The following NLK variants were observed in gnomAD, a reference collection of about 807,000 sequenced individuals.
NLK encodes the protein nemo like kinase, also known as serine/threonine-protein kinase NLK.
Under a neutral mutation model 59.0 loss-of-function variants are expected in NLK, and 11 were observed. That is an observed-to-expected ratio of 0.19 (90% CI 0.12 to 0.31). NLK has a LOEUF of 0.31. Ranked by LOEUF, NLK falls within the 10% of genes least tolerant of loss-of-function variation. The pLI, the probability that NLK is intolerant of heterozygous loss-of-function variation, is 1.00. For synonymous variants in NLK, 235 were observed against 235.9 expected (o/e 1.00, Z 0.03); for missense variants, 410 against 661.1 (o/e 0.62, Z 4.16).
At chr17:28,150,054 G>A (rs1907418559) in intron 3 of NLK, among the ~76,000 whole-genome samples, 1 of 152,122 alleles carries the variant, frequency 6.6e-6, no homozygotes, top group Admixed American at 6.6e-5. Flanking sequence ...TTCATGGAAA[G>A]GGTCAGACTT....
chr17:28,121,404 A>T lies in NLK; in HGVS notation c.459-1199A>T, dbSNP rs1395352350. Among the ~76,000 whole-genome samples, 10 of 145,332 alleles carry T rather than the reference A, an allele frequency of 6.9e-5. No homozygotes were observed. In the East Asian group the frequency reaches 2.0e-3, roughly 29 times the overall value. On this transcript the variant is annotated intron_variant, in intron 1 of 10. Coordinates refer to ENST00000407008, the MANE Select transcript of NLK (RefSeq NM_016231.5). ...GGTAGAAGGGGGGAAAAAAAAAAAA[A>T]GCTCTAGGTTAATTCATGGAAAGTC...
chr17:28,179,419 T>C (rs891006067), intron 7 of NLK, among the ~76,000 whole-genome samples: 5 of 151,860 alleles, frequency 3.3e-5, no homozygotes, highest in African/African-American at 1.2e-4. Flanking sequence ...TTATTTTTAT[T>C]TTATTTTATT....
intron 8 of NLK, among the ~76,000 whole-genome samples, chr17:28,187,293 G>T (rs772052135): frequency 1.4e-4 from 21 of 151,666 alleles, no homozygotes; most frequent in Admixed American, 5.2e-4. Context: ...TGTTTTGTTT[G>T]GTTTGGTTTG....
intron 1 of NLK, among the ~76,000 whole-genome samples, chr17:28,069,099 C>T (rs999120832): frequency 1.3e-5 from 2 of 152,222 alleles, no homozygotes; most frequent in African/African-American, 4.8e-5. Flanking sequence ...CCCTAGGCAG[C>T]CACTTTTTTG....
chr17:28,183,056 G>A (rs1003325606), intron 7 of NLK, among the ~76,000 whole-genome samples: 3 of 152,186 alleles, frequency 2.0e-5, no homozygotes, highest in African/African-American at 4.8e-5. Flanking sequence ...AACAGAGGAT[G>A]TAAAAAGGAT....
the NLK span, among the ~76,000 whole-genome samples, chr17:28,202,064 ATG>A: frequency 6.6e-6 from 1 of 152,222 alleles, no homozygotes; most frequent in African/African-American, 2.4e-5. Context: ...GAGAAAAACT[ATG>A]TGACAAAAAT....
chr17:28,129,320 G>A (rs1906419495), intron 2 of NLK, among the ~76,000 whole-genome samples: 1 of 152,136 alleles, frequency 6.6e-6, no homozygotes, highest in Non-Finnish European at 1.5e-5. Context: ...GGGCATGGTG[G>A]CGCATGCCCG....
rs1037712012 is a variant in NLK, at chr17:28,137,773, A to G, written c.644+5098A>G. The stretch of plus-strand genomic sequence containing the variant: ...CCTTGAAGCAACAAAAAAAAAGTCA[A>G]TATCTAGACTGTAAGTTTTTATAAA... On this transcript the variant is annotated intron_variant, in intron 3 of 10. Transcript: ENST00000407008. Among the ~76,000 whole-genome samples, 9 of 152,234 alleles carry G rather than the reference A, an allele frequency of 5.9e-5. No homozygotes were observed. In the East Asian group the frequency reaches 9.6e-4, roughly 16 times the overall value.
intron 1 of NLK, among the ~76,000 whole-genome samples, chr17:28,069,613 G>C (rs920299880): frequency 6.6e-6 from 1 of 152,048 alleles, no homozygotes; most frequent in Non-Finnish European, 1.5e-5. Flanking sequence ...GTTTTAATTT[G>C]CATTACCATG....
chr17:28,071,740 G>A (rs989960697), intron 1 of NLK, among the ~76,000 whole-genome samples: 4 of 152,152 alleles, frequency 2.6e-5, no homozygotes, highest in African/African-American at 9.7e-5. Flanking sequence ...CTACGTGAAG[G>A]CTTCATCAGA....
chr17:28,159,639 T>C (rs1907923472), intron 3 of NLK, among the ~76,000 whole-genome samples: 1 of 152,196 alleles, frequency 6.6e-6, no homozygotes, highest in Non-Finnish European at 1.5e-5. Flanking sequence ...CATTATGAAG[T>C]AGAATATATT....
chr17:28,073,436 A>G (rs541592526), intron 1 of NLK, among the ~76,000 whole-genome samples: 1 of 152,144 alleles, frequency 6.6e-6, no homozygotes, highest in Non-Finnish European at 1.5e-5. Flanking sequence ...AACTGTCTAT[A>G]ATGTTACTCA....
the NLK span, among the ~76,000 whole-genome samples, chr17:28,206,063 AAAC>A: frequency 1.3e-4 from 20 of 152,310 alleles, no homozygotes; most frequent in Non-Finnish European, 2.8e-4. Context: ...AATAAAAACA[AAAC>A]AACAAAAACC....
intron 10 of NLK, 109 bp downstream of exon 10, chr17:28,192,322 C>G (rs1021833733): frequency 9.2e-6 from 6 of 649,272 alleles, no homozygotes; most frequent in South Asian, 1.9e-5. Flanking sequence ...ATAAAAGGTG[C>G]AACAGAAAGT....
rs143384933 is a variant in NLK at position 28,136,409 on chromosome 17, A to G, written c.644+3734A>G. Among the ~76,000 whole-genome samples, 1,353 of 152,326 alleles carry G rather than the reference A, an allele frequency of 8.9e-3. 17 individuals are homozygous for G. The highest frequency in any genetic ancestry group is 0.031 in the African/African-American group (1,280 of 41,560). On this transcript the variant is annotated intron_variant, in intron 3 of 10. Transcript: ENST00000407008. The stretch of plus-strand genomic sequence containing the variant: ...CTGAATCCTTTTAACATAAAAAGGA[A>G]TCATACCTATAGCAGCCACAGGATT...
At chr17:28,073,781 C>T (rs1010359603) in intron 1 of NLK, among the ~76,000 whole-genome samples, 6 of 152,100 alleles carry the variant, frequency 3.9e-5, no homozygotes, top group Non-Finnish European at 1.5e-5. Context: ...TATATACCCC[C>T]GGTAGAATGA....
intron 1 of NLK, among the ~76,000 whole-genome samples, chr17:28,093,149 C>T (rs1450256651): frequency 6.6e-6 from 1 of 152,020 alleles, no homozygotes; most frequent in Non-Finnish European, 1.5e-5. Flanking sequence ...TTTTCTGAGA[C>T]TAAGAGTAAC....
intron 1 of NLK, among the ~76,000 whole-genome samples, chr17:28,072,448 C>T (rs903002474): frequency 6.6e-6 from 1 of 151,694 alleles, no homozygotes; most frequent in Non-Finnish European, 1.5e-5. Context: ...ACTTCAGCCT[C>T]CCAAGGGGCT....
chr17:28,092,536 T>G (rs1471476681), intron 1 of NLK, among the ~76,000 whole-genome samples: 3 of 152,104 alleles, frequency 2.0e-5, no homozygotes, highest in Non-Finnish European at 4.4e-5. Context: ...TTTAGAATGG[T>G]CTTTTAGGAT....
Sources: allele counts gnomAD v4.1 joint callset (sites outside exome capture counted in the v4.1 genomes callset), GRCh38; gene constraint gnomAD v4.1.1; transcripts MANE v1.5; gene names NCBI Gene and HGNC (gene_info 2026-07-23, HGNC 2026-07-21).